CDH12: variants seen among roughly 807,000 people sequenced by gnomAD.
The protein encoded by CDH12 is cadherin 12.
Under a neutral mutation model 74.1 loss-of-function variants are expected in CDH12, and 41 were observed. That is an observed-to-expected ratio of 0.55 (90% CI 0.43 to 0.72). The LOEUF is 0.72. Among genes scored for constraint, CDH12 ranks in the 30% least tolerant of loss-of-function variants. The probability of loss-of-function intolerance (pLI) is 0.00; values close to 1 mark genes in which losing one functional copy is unlikely to be tolerated. For missense variants in CDH12, 945 were observed against 977.2 expected (o/e 0.97, Z 0.44); for synonymous variants, 399 against 355.0 (o/e 1.12, Z -1.39).
intron 1 of CDH12, among the ~76,000 whole-genome samples, chr5:22,849,730 G>A (rs1173290496): frequency 1.3e-5 from 2 of 152,116 alleles, no homozygotes; most frequent in East Asian, 3.9e-4. Flanking sequence ...ACAGATATAT[G>A]CATGAGATGT....
intron 1 of CDH12, among the ~76,000 whole-genome samples, chr5:22,820,889 C>T (rs930059517): frequency 2.6e-5 from 4 of 152,114 alleles, no homozygotes; most frequent in Non-Finnish European, 5.9e-5. Flanking sequence ...TTTTATGAGG[C>T]CAGCATCATC....
At chr5:22,059,634 T>G (rs1741044509) in intron 5 of CDH12, among the ~76,000 whole-genome samples, 1 of 152,182 alleles carries the variant, frequency 6.6e-6, no homozygotes, top group South Asian at 2.1e-4. Flanking sequence ...CTCAACACTT[T>G]GTAAACAACA....
At chr5:22,621,160 T>C (rs531966678) in intron 1 of CDH12, among the ~76,000 whole-genome samples, 1 of 152,196 alleles carries the variant, frequency 6.6e-6, no homozygotes, top group Non-Finnish European at 1.5e-5. Context: ...GCCAGCAGCA[T>C]AGCATCTACC....
chr5:22,758,142 G>C (rs1035446180), intron 1 of CDH12, among the ~76,000 whole-genome samples: 1 of 152,140 alleles, frequency 6.6e-6, no homozygotes, highest in Non-Finnish European at 1.5e-5. Context: ...AGGAGCTCTC[G>C]TCATCTAACT....
At chr5:22,730,889 A>G (rs1040011715) in intron 1 of CDH12, among the ~76,000 whole-genome samples, 1 of 151,934 alleles carries the variant, frequency 6.6e-6, no homozygotes, top group African/African-American at 2.4e-5. Flanking sequence ...TTAAAACAGA[A>G]GAAATAGCAA....
intron 7 of CDH12, 46 bp from the exon 8 acceptor site, chr5:21,842,374 CTG>C: frequency 7.5e-7 from 1 of 1,327,812 alleles, no homozygotes; most frequent in Non-Finnish European, 1.0e-6. Flanking sequence ...CACAAATGCT[CTG>C]TTTTCTGAAA....
chr5:22,849,980 GC>G (rs1737472555), intron 1 of CDH12, among the ~76,000 whole-genome samples: 1 of 151,958 alleles, frequency 6.6e-6, no homozygotes, highest in African/African-American at 2.4e-5. Flanking sequence ...GTAAACATAT[GC>G]CTTGTTTTCA....
chr5:22,689,927 G>A (rs1016558385), intron 1 of CDH12, among the ~76,000 whole-genome samples: 2 of 151,940 alleles, frequency 1.3e-5, no homozygotes, highest in Non-Finnish European at 2.9e-5. Context: ...CATGAAAGAA[G>A]AGGAAATTTT....
chr5:21,929,742 T>G (rs1579977892), intron 6 of CDH12, among the ~76,000 whole-genome samples: 1 of 152,114 alleles, frequency 6.6e-6, no homozygotes, highest in African/African-American at 2.4e-5. Context: ...GGTCTTGAAC[T>G]CCTGGACTCA....
chr5:21,914,902 G>C (rs1431822511), intron 6 of CDH12, among the ~76,000 whole-genome samples: 1 of 152,166 alleles, frequency 6.6e-6, no homozygotes, highest in African/African-American at 2.4e-5. Context: ...ATGAGTATTT[G>C]TTTAAAAAGT....
At chr5:21,952,682 T>C (rs1755918844) in intron 6 of CDH12, among the ~76,000 whole-genome samples, 1 of 152,154 alleles carries the variant, frequency 6.6e-6, no homozygotes, top group African/African-American at 2.4e-5. Context: ...CTTTCTGTTA[T>C]TGGAGGATTC....
chr5:21,999,655 G>A (rs1448931206), intron 5 of CDH12, among the ~76,000 whole-genome samples: 2 of 151,734 alleles, frequency 1.3e-5, no homozygotes, highest in African/African-American at 4.8e-5. Context: ...TAGTGTACAG[G>A]TGCGCATCTG....
chr5:22,693,655 A>C (rs1406040532), intron 1 of CDH12, among the ~76,000 whole-genome samples: 1 of 152,126 alleles, frequency 6.6e-6, no homozygotes, highest in Non-Finnish European at 1.5e-5. Context: ...ATGTATATAC[A>C]TTTCTATGTA....
intron 1 of CDH12, chr5:22,580,584 A>C (rs564254061): frequency 1.3e-5 from 6 of 471,316 alleles, no homozygotes; most frequent in Non-Finnish European, 2.2e-5. Flanking sequence ...TCACTCCATA[A>C]ACTTTTGGAT....
intron 1 of CDH12, among the ~76,000 whole-genome samples, chr5:22,830,139 A>C: frequency 6.6e-6 from 1 of 152,174 alleles, no homozygotes; most frequent in African/African-American, 2.4e-5. Context: ...AAACCTGGCT[A>C]ATTAATCTAT....
intron 2 of CDH12, among the ~76,000 whole-genome samples, chr5:22,437,346 G>GA (rs1462514988): frequency 6.6e-6 from 1 of 151,554 alleles, no homozygotes; most frequent in Non-Finnish European, 1.5e-5. Flanking sequence ...AATCTATAAA[G>GA]AAAACAGACT....
chr5:21,806,378 A>G (rs568785683), intron 9 of CDH12, among the ~76,000 whole-genome samples: 3 of 152,230 alleles, frequency 2.0e-5, no homozygotes, highest in East Asian at 1.9e-4. Flanking sequence ...AAGTCTGAAA[A>G]TAAATAACTA....
chr5:22,139,179 C>G (rs1283220807), intron 4 of CDH12: 1 of 147,490 alleles, frequency 6.8e-6, no homozygotes, highest in East Asian at 2.0e-4. Flanking sequence ...TGAAAGTGGT[C>G]TTTATATTTA....
intron 1 of CDH12, among the ~76,000 whole-genome samples, chr5:22,519,778 C>T (rs908035587): frequency 4.3e-4 from 66 of 151,970 alleles, no homozygotes; most frequent in African/African-American, 1.6e-3. Flanking sequence ...CTGTTCAGAT[C>T]CACAGTATTT....
Sources: allele counts gnomAD v4.1 joint callset (sites outside exome capture counted in the v4.1 genomes callset), GRCh38; gene constraint gnomAD v4.1.1; transcripts MANE v1.5; gene names NCBI Gene and HGNC (gene_info 2026-07-23, HGNC 2026-07-21).